Variants in RALGAPA1 observed in about 807,000 individuals in gnomAD.
RALGAPA1 encodes ral GTPase-activating protein subunit alpha-1.
A neutral mutation model predicts 269.6 loss-of-function variants in RALGAPA1; 52 were observed. That is an observed-to-expected ratio of 0.19 (90% confidence interval 0.15 to 0.24). RALGAPA1 has a LOEUF of 0.24. RALGAPA1 is among the 10% of genes least tolerant of loss of function. The pLI is 1.00. For synonymous variants in RALGAPA1, 817 were observed against 1,008.3 expected, an observed-to-expected ratio of 0.81 and a Z score of 3.60; for missense variants, 1,917 against 3,013.9, an observed-to-expected ratio of 0.64 and a Z score of 8.52.
chr14:35,714,957 C>G (rs1015146781), intron 16 of RALGAPA1, among the ~76,000 whole-genome samples: 23 of 152,148 alleles, frequency 1.5e-4, no homozygotes, highest in Non-Finnish European at 2.9e-4. Context: ...CTGTTTTCAG[C>G]ATAACTGTTT....
chr14:35,608,426 G>C (rs1216771627), intron 35 of RALGAPA1, among the ~76,000 whole-genome samples: 1 of 152,152 alleles, frequency 6.6e-6, no homozygotes, highest in Non-Finnish European at 1.5e-5. Context: ...AAACCAAGTT[G>C]TTAGAAAATA....
chr14:35,795,467 A>G (rs2076493736), intron 1 of RALGAPA1, among the ~76,000 whole-genome samples: 1 of 152,166 alleles, frequency 6.6e-6, no homozygotes, highest in African/African-American at 2.4e-5. Flanking sequence ...AGGTGCTCAC[A>G]CAGAGCTGGG....
At chr14:35,684,103 A>T in intron 20 of RALGAPA1, 118 bp from the exon 21 acceptor site, 1 of 712,076 alleles carries the variant, frequency 1.4e-6, no homozygotes, top group East Asian at 2.7e-5. Flanking sequence ...TTCTGTTTAC[A>T]TATCACTCAG....
At chr14:35,566,798 T>A (rs1325146816) in intron 39 of RALGAPA1, among the ~76,000 whole-genome samples, 1 of 150,690 alleles carries the variant, frequency 6.6e-6, no homozygotes, top group African/African-American at 2.4e-5. Flanking sequence ...AAATGTTCAT[T>A]TGAAAATCAA....
chr14:35,729,942 T>C (rs1595350828), intron 12 of RALGAPA1, among the ~76,000 whole-genome samples: 2 of 151,970 alleles, frequency 1.3e-5, no homozygotes, highest in East Asian at 1.9e-4. Context: ...GCTCATATCA[T>C]GAATTTTACC....
Position 35,799,433 on chromosome 14 carries a change from G to A in RALGAPA1, c.106+9297C>T, listed in dbSNP as rs114125884. On this transcript the variant is annotated intron_variant, in intron 1 of 41. Coordinates refer to ENST00000680220, the MANE Select transcript of RALGAPA1 (RefSeq NM_001346249.2). Reference sequence around the variant, plus strand: ...AAAAATAAGCTGGGCGTGGCAATGCGTGCCTGTAATCCCAGCTACTTGGGA... The same window carrying A: ...AAAAATAAGCTGGGCGTGGCAATGCATGCCTGTAATCCCAGCTACTTGGGA... Among the ~76,000 whole-genome samples the A allele has an allele frequency of 5.2e-3, 793 of 151,834 alleles. 3 individuals carry two copies. The highest frequency in any genetic ancestry group is 0.018 in the African/African-American group (746 of 41,404).
chr14:35,727,769 T>C (rs1300672648), intron 13 of RALGAPA1, among the ~76,000 whole-genome samples: 1 of 151,682 alleles, frequency 6.6e-6, no homozygotes, highest in Non-Finnish European at 1.5e-5. Flanking sequence ...GAAGAAAAAA[T>C]TTAAGTAAGG....
chr14:35,571,797 G>C (rs899160082), intron 38 of RALGAPA1, among the ~76,000 whole-genome samples: 4 of 152,178 alleles, frequency 2.6e-5, no homozygotes, highest in African/African-American at 9.7e-5. Context: ...CTTGTGGGTT[G>C]TATGAAACCA....
At chr14:35,801,476 C>A (rs1165279756) in intron 1 of RALGAPA1, among the ~76,000 whole-genome samples, 1 of 152,112 alleles carries the variant, frequency 6.6e-6, no homozygotes, top group Non-Finnish European at 1.5e-5. Context: ...GTATGTTGGT[C>A]AGGCTGGTCT....
chr14:35,773,916 TTATTA>T (rs914968245), intron 3 of RALGAPA1, among the ~76,000 whole-genome samples: 1 of 151,906 alleles, frequency 6.6e-6, no homozygotes, highest in Non-Finnish European at 1.5e-5. Flanking sequence ...ATTATTATTA[TTATTA>T]TTATTATTAT....
intron 31 of RALGAPA1, among the ~76,000 whole-genome samples, chr14:35,639,992 G>A (rs1272564267): frequency 1.3e-5 from 2 of 151,710 alleles, no homozygotes; most frequent in East Asian, 1.9e-4. Flanking sequence ...TGATCTGTGG[G>A]TCAATGAAGA....
At chr14:35,758,514 G>A (rs1241889710) in intron 6 of RALGAPA1, among the ~76,000 whole-genome samples, 1 of 151,766 alleles carries the variant, frequency 6.6e-6, no homozygotes, top group Non-Finnish European at 1.5e-5. Context: ...AAAAGAGAAG[G>A]GGCAGAAGTC....
At chr14:35,807,759 A>T (rs1334935363) in intron 1 of RALGAPA1, 2 of 152,234 alleles carry the variant, frequency 1.3e-5, no homozygotes, top group Non-Finnish European at 2.9e-5. Context: ...TACCTCAAAT[A>T]AGGGACTTAC....
intron 36 of RALGAPA1, among the ~76,000 whole-genome samples, chr14:35,601,053 GAC>G (rs1230620385): frequency 6.6e-6 from 1 of 152,186 alleles, no homozygotes; most frequent in Non-Finnish European, 1.5e-5. Flanking sequence ...AATCTCTGTT[GAC>G]ACCTGGGAAA....
intron 27 of RALGAPA1, 29 bp downstream of exon 27, chr14:35,664,613 G>A (rs748042555): frequency 2.6e-6 from 4 of 1,539,070 alleles, no homozygotes; most frequent in East Asian, 2.3e-5. Flanking sequence ...AATCATTTAA[G>A]TGCTAAAAAT....
chr14:35,661,152 T>C (rs760776390), intron 27 of RALGAPA1, among the ~76,000 whole-genome samples: 4 of 152,092 alleles, frequency 2.6e-5, no homozygotes, highest in Admixed American at 1.3e-4. Flanking sequence ...CAAAAAAAGA[T>C]AGCCATGTGA....
chr14:35,737,886 G>A (rs1030401014), intron 12 of RALGAPA1, among the ~76,000 whole-genome samples: 6 of 148,376 alleles, frequency 4.0e-5, no homozygotes, highest in Non-Finnish European at 8.9e-5. Context: ...CAGGAGGTTC[G>A]AGACCAACCT....
intron 16 of RALGAPA1, among the ~76,000 whole-genome samples, chr14:35,714,968 T>C (rs1213176353): frequency 6.6e-6 from 1 of 152,222 alleles, no homozygotes; most frequent in African/African-American, 2.4e-5. Flanking sequence ...ATAACTGTTT[T>C]TCTCTGGCAG....
At chr14:35,709,121 CA>C (rs202000788) in intron 16 of RALGAPA1, among the ~76,000 whole-genome samples, 1 of 149,352 alleles carries the variant, frequency 6.7e-6, no homozygotes, top group Non-Finnish European at 1.5e-5. Context: ...TTAATGGGTA[CA>C]AAAAAAAATT....
Sources: allele counts gnomAD v4.1 joint callset (sites outside exome capture counted in the v4.1 genomes callset), GRCh38; gene constraint gnomAD v4.1.1; transcripts MANE v1.5; gene names NCBI Gene and HGNC (gene_info 2026-07-23, HGNC 2026-07-21).